The following ITGBL1 variants were observed in gnomAD, a reference collection of about 807,000 sequenced individuals.
The protein encoded by ITGBL1 is integrin subunit beta like 1.
Under a neutral mutation model 68.5 loss-of-function variants are expected in ITGBL1, and 51 were observed. The observed-to-expected ratio is 0.74, with a 90% CI of 0.59 to 0.94. The LOEUF (loss-of-function observed/expected upper bound fraction) is 0.94. Among genes scored for constraint, ITGBL1 ranks in the 40% least tolerant of loss-of-function variants. The pLI is 0.00. For missense variants in ITGBL1, 649 were observed against 647.4 expected (o/e 1.00, Z -0.03); for synonymous variants, 209 against 227.3 (o/e 0.92, Z 0.72).
downstream of ITGBL1, chr13:101,716,655 A>C (rs1445193933): frequency 3.3e-5 from 5 of 152,096 alleles, no homozygotes; most frequent in African/African-American, 1.2e-4. Flanking sequence ...ATGGGCCTGA[A>C]GTATGCATCC....
rs1023898649 is a variant in ITGBL1 at position 101,683,649 on chromosome 13, C to T, written c.1016-8936C>T. Among the ~76,000 whole-genome samples the T allele has an allele frequency of 5.9e-5, 9 of 151,928 alleles. No homozygotes were observed. In the East Asian group the frequency reaches 7.7e-4, roughly 13 times the overall value. On this transcript the variant is annotated intron_variant, in intron 7 of 10. Coordinates refer to ENST00000376180, the MANE Select transcript of ITGBL1 (RefSeq NM_004791.3). ...GCCAACTTCACTAGATAATGCCAAACGGTCCCCAGAATATTCTACCAATTT... is the reference window on the plus strand; with the variant it reads ...GCCAACTTCACTAGATAATGCCAAATGGTCCCCAGAATATTCTACCAATTT...
At chr13:101,654,785 A>G (rs2032866121) in intron 7 of ITGBL1, among the ~76,000 whole-genome samples, 1 of 152,098 alleles carries the variant, frequency 6.6e-6, no homozygotes, top group South Asian at 2.1e-4. Context: ...CCTGGATGCA[A>G]CCACCCAGGG....
At chr13:101,547,131 T>C (rs1594882325) in intron 2 of ITGBL1, among the ~76,000 whole-genome samples, 1 of 138,502 alleles carries the variant, frequency 7.2e-6, no homozygotes, top group African/African-American at 2.7e-5. Context: ...TGTGTTTGTG[T>C]CTATATAACC....
chr13:101,577,234 C>T (rs1221603469), intron 4 of ITGBL1, among the ~76,000 whole-genome samples: 1 of 152,164 alleles, frequency 6.6e-6, no homozygotes, highest in Non-Finnish European at 1.5e-5. Flanking sequence ...ATGTGTCATT[C>T]ACATGAAACC....
intron 2 of ITGBL1, among the ~76,000 whole-genome samples, chr13:101,552,443 A>G (rs2049936422): frequency 6.6e-6 from 1 of 152,242 alleles, no homozygotes; most frequent in Non-Finnish European, 1.5e-5. Context: ...GTTTTTAAGA[A>G]TAAATAGCAA....
chr13:101,688,457 C>A (rs1288330660), intron 7 of ITGBL1, among the ~76,000 whole-genome samples: 1 of 151,928 alleles, frequency 6.6e-6, no homozygotes, highest in East Asian at 1.9e-4. Context: ...AAATAGGGAA[C>A]ATAAAGTCTC....
At chr13:101,531,956 G>T (rs1050465531) in intron 2 of ITGBL1, among the ~76,000 whole-genome samples, 8 of 151,594 alleles carry the variant, frequency 5.3e-5, no homozygotes, top group African/African-American at 1.9e-4. Context: ...GGATGGTCTC[G>T]ATTTCCTGAC....
chr13:101,565,216 CTG>C (rs376763244), intron 2 of ITGBL1, among the ~76,000 whole-genome samples: 1,609 of 152,212 alleles, frequency 0.011, 7 homozygotes, highest in Non-Finnish European at 0.017. Flanking sequence ...GTTATTGACA[CTG>C]TAATGGAGAT....
intron 2 of ITGBL1, among the ~76,000 whole-genome samples, chr13:101,554,940 G>A (rs1412764409): frequency 6.6e-6 from 1 of 152,202 alleles, no homozygotes; most frequent in African/African-American, 2.4e-5. Flanking sequence ...CCCCCAGGCA[G>A]TGACTTATGA....
intron 2 of ITGBL1, among the ~76,000 whole-genome samples, chr13:101,511,185 T>A (rs1237226774): frequency 6.6e-6 from 1 of 152,066 alleles, no homozygotes; most frequent in Admixed American, 6.6e-5. Flanking sequence ...ATAATCATTC[T>A]CTTCTACTCC....
At chr13:101,595,846 T>C (rs6491635) in intron 6 of ITGBL1, among the ~76,000 whole-genome samples, 151,340 of 152,266 alleles carry the variant, frequency 0.99, 75,211 homozygotes, top group Middle Eastern at 1. Flanking sequence ...GATTTATGTA[T>C]AAAGGAAATT....
rs959468789 is a variant in ITGBL1, at chr13:101,454,414, C to G, written c.316+314C>G. On this transcript the variant is annotated intron_variant, in intron 2 of 10. Transcript: ENST00000376180. The stretch of plus-strand genomic sequence containing the variant: ...CCCTGGCTGGTCCCCCCCCCCCCCC[C>G]CAACTCCTGGAATCAAGCTATCCTC... Among the ~76,000 whole-genome samples the G allele has an allele frequency of 1.4e-4, 17 of 120,274 alleles. 1 individual carries two copies. The highest frequency in any genetic ancestry group is 3.0e-4 in the South Asian group (1 of 3,356). 78.9% of individuals were successfully genotyped at this position (120,274 alleles called of 152,430 possible). A position where few individuals can be genotyped will look rare whatever the true frequency, so the allele number is the denominator to read the frequency against.
At chr13:101,529,422 A>G (rs1392187972) in intron 2 of ITGBL1, among the ~76,000 whole-genome samples, 1 of 152,172 alleles carries the variant, frequency 6.6e-6, no homozygotes, top group Non-Finnish European at 1.5e-5. Context: ...AATATGTTCT[A>G]ATAAAACTAC....
At chr13:101,465,047 A>G (rs1386146806) in intron 2 of ITGBL1, among the ~76,000 whole-genome samples, 1 of 152,194 alleles carries the variant, frequency 6.6e-6, no homozygotes, top group Non-Finnish European at 1.5e-5. Context: ...GTGATTCATA[A>G]TTGGATTCTT....
Position 101,692,594 on chromosome 13 carries a change from A to G in ITGBL1, c.1025A>G (p.Glu342Gly). 1.9e-6 allele frequency: 3 copies of G among 1,611,302 alleles called. No individual in the cohort carries two copies. The highest frequency in any genetic ancestry group is 2.5e-6 in the Non-Finnish European group (3 of 1,177,472). ...TCTTTATACTTTCCAGGTAAATGTG[A>G]ATGTGGCAAATGCACCTGCTATCCT... ...DLPCSGRGKC[E>G]CGKCTCYPPG... Residue 342 changes from glutamate (E) to glycine (G), a missense_variant, in exon 8 of 11, where the codon GAA (glutamate) becomes GGA (glycine). Transcript: ENST00000376180.
At chr13:101,552,545 T>C (rs1006580939) in intron 2 of ITGBL1, among the ~76,000 whole-genome samples, 1 of 152,224 alleles carries the variant, frequency 6.6e-6, no homozygotes, top group Non-Finnish European at 1.5e-5. Flanking sequence ...AGTCCTTCTA[T>C]TGGCTTTCAA....
At chr13:101,691,982 A>G (rs574414650) in intron 7 of ITGBL1, among the ~76,000 whole-genome samples, 4 of 152,304 alleles carry the variant, frequency 2.6e-5, no homozygotes, top group African/African-American at 9.6e-5. Flanking sequence ...CAAACGATGA[A>G]CCAAATTCAT....
chr13:101,569,391 G>A (rs1275110870), intron 3 of ITGBL1, among the ~76,000 whole-genome samples: 1 of 152,086 alleles, frequency 6.6e-6, no homozygotes, highest in Non-Finnish European at 1.5e-5. Flanking sequence ...AAAACATACA[G>A]AAGTGTTTCA....
chr13:101,506,104 C>A (rs917541848), intron 2 of ITGBL1, among the ~76,000 whole-genome samples: 2 of 152,140 alleles, frequency 1.3e-5, no homozygotes, highest in East Asian at 3.9e-4. Flanking sequence ...AAGCCTACTA[C>A]AATGCGCTCA....
Sources: gnomAD v4.1 joint callset for allele counts (sites outside exome capture counted in the v4.1 genomes callset) on GRCh38, gnomAD v4.1.1 for gene constraint, MANE v1.5 for transcripts, NCBI Gene and HGNC (gene_info 2026-07-23, HGNC 2026-07-21) for gene names.